Variants in THSD4 observed in about 807,000 individuals in gnomAD.
The protein encoded by THSD4 is thrombospondin type 1 domain containing 4.
In THSD4, 69 loss-of-function variants were observed where a neutral mutation model predicts 119.0. The ratio of observed to expected loss-of-function variants is 0.58; its 90% CI spans 0.48 to 0.71. The LOEUF (loss-of-function observed/expected upper bound fraction) is 0.71. Ranked by LOEUF, THSD4 falls within the 30% of genes least tolerant of loss-of-function variation. The probability of loss-of-function intolerance (pLI) is 0.00; values close to 1 mark genes in which losing one functional copy is unlikely to be tolerated. For missense variants in THSD4, 1,393 were observed against 1,391.1 expected (o/e 1.00, Z -0.02); for synonymous variants, 524 against 540.4 (o/e 0.97, Z 0.42).
At chr15:71,591,527 C>A (rs2140874087) in intron 7 of THSD4, among the ~76,000 whole-genome samples, 1 of 152,314 alleles carries the variant, frequency 6.6e-6, no homozygotes, top group East Asian at 1.9e-4. Flanking sequence ...CCTGGGCTTC[C>A]CTGTCACACA....
chr15:71,751,817 G>A (rs2053453610), intron 14 of THSD4, among the ~76,000 whole-genome samples: 1 of 152,048 alleles, frequency 6.6e-6, no homozygotes, highest in Non-Finnish European at 1.5e-5. Flanking sequence ...ACAGTTATAA[G>A]CCTCCATACA....
intron 7 of THSD4, among the ~76,000 whole-genome samples, chr15:71,596,171 G>A (rs2049903107): frequency 6.6e-6 from 1 of 152,188 alleles, no homozygotes; most frequent in Non-Finnish European, 1.5e-5. Context: ...AGGAATCACT[G>A]TCTGTGGTGG....
At chr15:71,446,646 G>A (rs761482272) in intron 7 of THSD4, among the ~76,000 whole-genome samples, 1 of 152,152 alleles carries the variant, frequency 6.6e-6, no homozygotes, top group Non-Finnish European at 1.5e-5. Context: ...AGCACATAAA[G>A]ATGGGTGTCT....
chr15:71,608,784 T>C (rs1442612255), intron 7 of THSD4, among the ~76,000 whole-genome samples: 1 of 152,232 alleles, frequency 6.6e-6, no homozygotes, highest in Non-Finnish European at 1.5e-5. Context: ...ATTTAAAATT[T>C]GCTATCACTT....
At chr15:71,307,253 G>C (rs1190843169) in intron 6 of THSD4, among the ~76,000 whole-genome samples, 1 of 152,192 alleles carries the variant, frequency 6.6e-6, no homozygotes, top group Non-Finnish European at 1.5e-5. Context: ...TGGGAAGTTA[G>C]GTTGTCATGT....
chr15:71,723,618 G>T (rs2052764232), intron 8 of THSD4, among the ~76,000 whole-genome samples: 2 of 152,170 alleles, frequency 1.3e-5, no homozygotes, highest in South Asian at 4.2e-4. Context: ...GACAAACATT[G>T]ATCAAATAAT....
chr15:71,707,151 A>G (rs2052407931), intron 8 of THSD4, among the ~76,000 whole-genome samples: 1 of 152,162 alleles, frequency 6.6e-6, no homozygotes, highest in Non-Finnish European at 1.5e-5. Context: ...AGTCTCACGC[A>G]GCACGAAAAC....
intron 8 of THSD4, among the ~76,000 whole-genome samples, chr15:71,670,430 A>G (rs912074728): frequency 6.7e-6 from 1 of 150,110 alleles, no homozygotes; most frequent in African/African-American, 2.5e-5. Flanking sequence ...TTATGGCTGC[A>G]TAGTATTCCA....
chr15:71,482,163 A>G (rs1595810836), intron 7 of THSD4, among the ~76,000 whole-genome samples: 1 of 152,336 alleles, frequency 6.6e-6, no homozygotes, highest in South Asian at 2.1e-4. Context: ...GACAGTAACT[A>G]CAGTTGATTC....
chr15:71,241,815 C>T (rs1228734283), intron 4 of THSD4, among the ~76,000 whole-genome samples: 1 of 152,230 alleles, frequency 6.6e-6, no homozygotes, highest in Non-Finnish European at 1.5e-5. Context: ...CAACCCATGG[C>T]CCATGGGCGT....
chr15:71,298,637 G>C (rs1212004992), intron 6 of THSD4, among the ~76,000 whole-genome samples: 6 of 119,276 alleles, frequency 5.0e-5, no homozygotes, highest in African/African-American at 1.9e-4. Flanking sequence ...TTTTGAGGCA[G>C]AGTCTTGCTC....
intron 7 of THSD4, among the ~76,000 whole-genome samples, chr15:71,430,723 C>T (rs1448662119): frequency 1.4e-5 from 2 of 139,116 alleles, no homozygotes; most frequent in Non-Finnish European, 3.0e-5. Flanking sequence ...CATCTCTGCA[C>T]TCCAGCCTGG....
intron 7 of THSD4, among the ~76,000 whole-genome samples, chr15:71,444,382 G>A (rs937088006): frequency 2.6e-5 from 4 of 152,184 alleles, no homozygotes; most frequent in African/African-American, 9.7e-5. Context: ...GACTGATGCC[G>A]TCTCTTCTAC....
intron 6 of THSD4, chr15:71,348,252 AATGTGCGGAAGAACC>A (rs2140401280): frequency 6.6e-6 from 1 of 152,288 alleles, no homozygotes; most frequent in Admixed American, 6.5e-5. Context: ...TTCAAACTTT[AATGTGCGGAAGAACC>A]ACTGAAAACT....
intron 7 of THSD4, among the ~76,000 whole-genome samples, chr15:71,533,550 A>ACCATTATG (rs2048646689): frequency 6.6e-6 from 1 of 152,216 alleles, no homozygotes; most frequent in African/African-American, 2.4e-5. Context: ...AAGATTTTTC[A>ACCATTATG]CCATTATGAA....
At chr15:71,406,074 C>G (rs76764802) in intron 6 of THSD4, among the ~76,000 whole-genome samples, 3 of 151,678 alleles carry the variant, frequency 2.0e-5, no homozygotes, top group African/African-American at 4.8e-5. Context: ...GCATGAGCAC[C>G]GTCCCTGGCC....
At chr15:71,165,011 G>A (rs2043281972) in intron 3 of THSD4, 3 of 1,584,754 alleles carry the variant, frequency 1.9e-6, no homozygotes, top group African/African-American at 1.3e-5. Context: ...ATCTGCAGCA[G>A]TGTTATTCCA....
At position 71,559,137 on chromosome 15, in the gene THSD4, A is replaced by G. The variant is rs544334481; in HGVS notation, c.1153-101393A>G. Among the ~76,000 whole-genome samples, 19 of 152,276 alleles carry G rather than the reference A, an allele frequency of 1.2e-4. No homozygotes were observed. In the East Asian group the frequency reaches 3.5e-3, roughly 28 times the overall value. ...TGTCTTTTCTAATGTGCGCTGCCTC[A>G]TCTGTCAGTATTCGAAGAAGACATG... is the stretch of plus-strand genomic sequence containing the variant. On this transcript the variant is annotated intron_variant, in intron 7 of 17. Coordinates refer to ENST00000261862, the MANE Select transcript of THSD4 (RefSeq NM_024817.3).
intron 8 of THSD4, among the ~76,000 whole-genome samples, chr15:71,664,757 T>C (rs1359404727): frequency 1.8e-4 from 28 of 152,222 alleles, no homozygotes. Context: ...TTTGGTTTTC[T>C]GTTCCTGCGT....
Sources: gnomAD v4.1 joint callset for allele counts (sites outside exome capture counted in the v4.1 genomes callset) on GRCh38, gnomAD v4.1.1 for gene constraint, MANE v1.5 for transcripts, NCBI Gene and HGNC (gene_info 2026-07-23, HGNC 2026-07-21) for gene names.